The following SV2C variants were observed in gnomAD, a reference collection of about 807,000 sequenced individuals.
SV2C encodes solute carrier family 22 member B3.
Under a neutral mutation model 79.7 loss-of-function variants are expected in SV2C, and 49 were observed. That is an observed-to-expected ratio of 0.61 (90% confidence interval 0.49 to 0.78). The LOEUF (loss-of-function observed/expected upper bound fraction) is 0.78, where lower values mean the gene tolerates loss of function less well. Ranked by LOEUF, SV2C falls within the 30% of genes least tolerant of loss-of-function variation. The probability of loss-of-function intolerance (pLI) is 0.00; values close to 1 mark genes in which losing one functional copy is unlikely to be tolerated. For synonymous variants in SV2C, 334 were observed against 333.2 expected (o/e 1.00, Z -0.03); for missense variants, 833 against 912.9 (o/e 0.91, Z 1.13).
chr5:75,970,198 C>T, the SV2C span, among the ~76,000 whole-genome samples: 2 of 151,914 alleles, frequency 1.3e-5, no homozygotes, highest in Non-Finnish European at 1.5e-5. Context: ...ATGTATAGCA[C>T]TAAATGCCCA....
chr5:75,876,596 G>T, the SV2C span, among the ~76,000 whole-genome samples: 1 of 152,056 alleles, frequency 6.6e-6, no homozygotes, highest in South Asian at 2.1e-4. Flanking sequence ...GAAGTTACTA[G>T]AGATGATAAA....
At chr5:76,233,628 T>G (rs529319371) in intron 4 of SV2C, among the ~76,000 whole-genome samples, 47 of 150,814 alleles carry the variant, frequency 3.1e-4, no homozygotes, top group Admixed American at 1.0e-3. Flanking sequence ...ATACCTAATT[T>G]ATTGAGAGTT....
the SV2C span, among the ~76,000 whole-genome samples, chr5:75,917,359 A>G: frequency 6.6e-6 from 1 of 152,216 alleles, no homozygotes; most frequent in Non-Finnish European, 1.5e-5. Flanking sequence ...GACATGTACA[A>G]GTTAGGTTTA....
downstream of SV2C, among the ~76,000 whole-genome samples, chr5:76,338,066 G>T (rs1029317108): frequency 1.9e-4 from 29 of 152,198 alleles, no homozygotes; most frequent in African/African-American, 6.8e-4. Context: ...TTTGTTCGGT[G>T]GGGAGAGCAA....
At chr5:75,975,383 G>T in the SV2C span, among the ~76,000 whole-genome samples, 3 of 152,070 alleles carry the variant, frequency 2.0e-5, no homozygotes, top group African/African-American at 7.2e-5. Flanking sequence ...CCTGAACTTG[G>T]ATATAAATGA....
the SV2C span, among the ~76,000 whole-genome samples, chr5:75,872,667 A>T: frequency 5.3e-5 from 8 of 151,974 alleles, no homozygotes; most frequent in Non-Finnish European, 1.2e-4. Context: ...CTGTTTTGAA[A>T]GAAAAATGAT....
At chr5:76,087,329 A>G (rs1026069352) in intron 1 of SV2C, among the ~76,000 whole-genome samples, 1 of 152,232 alleles carries the variant, frequency 6.6e-6, no homozygotes, top group Admixed American at 6.5e-5. Flanking sequence ...CTTTTCCCAT[A>G]GATAGTATAT....
At chr5:76,089,241 A>G (rs1747294179) in intron 1 of SV2C, among the ~76,000 whole-genome samples, 1 of 151,970 alleles carries the variant, frequency 6.6e-6, no homozygotes, top group Non-Finnish European at 1.5e-5. Context: ...ATATGTTCTC[A>G]TTGTTCAGCT....
At chr5:75,970,087 A>G in the SV2C span, among the ~76,000 whole-genome samples, 1 of 152,108 alleles carries the variant, frequency 6.6e-6, no homozygotes, top group Non-Finnish European at 1.5e-5. Flanking sequence ...GGTACATAAC[A>G]AAATGAAGGC....
chr5:75,952,268 T>G, the SV2C span, among the ~76,000 whole-genome samples: 1 of 148,170 alleles, frequency 6.7e-6, no homozygotes, highest in Non-Finnish European at 1.5e-5. Flanking sequence ...CCTTCCTTCC[T>G]TCCTTCCTTC....
At chr5:76,317,436 C>A (rs1316578231) in intron 12 of SV2C, among the ~76,000 whole-genome samples, 1 of 151,774 alleles carries the variant, frequency 6.6e-6, no homozygotes, top group Non-Finnish European at 1.5e-5. Context: ...AAGAACCACC[C>A]CCCCCAACAC....
the SV2C span, among the ~76,000 whole-genome samples, chr5:75,905,587 T>G: frequency 1.3e-5 from 2 of 151,830 alleles, no homozygotes; most frequent in African/African-American, 4.8e-5. Context: ...TGAGGCAGAG[T>G]ACAGAAGAGA....
the SV2C span, chr5:75,921,314 T>G: frequency 7.4e-7 from 1 of 1,346,282 alleles, no homozygotes. Flanking sequence ...GAGCTGCAGG[T>G]GCTGGCTGGT....
chr5:75,875,134 G>A, the SV2C span, among the ~76,000 whole-genome samples: 78 of 152,200 alleles, frequency 5.1e-4, no homozygotes, highest in African/African-American at 1.4e-3. Context: ...GCAATCCTAC[G>A]CAAAAAGAAC....
At chr5:76,302,041 T>C (rs1234924511) in intron 12 of SV2C, among the ~76,000 whole-genome samples, 1 of 152,086 alleles carries the variant, frequency 6.6e-6, no homozygotes, top group Non-Finnish European at 1.5e-5. Flanking sequence ...ACATATGTGC[T>C]AGAAGGAATT....
chr5:76,258,690 A>T (rs1484923018), intron 4 of SV2C, among the ~76,000 whole-genome samples: 1 of 152,168 alleles, frequency 6.6e-6, no homozygotes, highest in Non-Finnish European at 1.5e-5. Context: ...GATTGAGGTT[A>T]TTATTTACAT....
chr5:76,295,517 A>T (rs1747722117), intron 8 of SV2C, among the ~76,000 whole-genome samples: 1 of 152,212 alleles, frequency 6.6e-6, no homozygotes, highest in Non-Finnish European at 1.5e-5. Flanking sequence ...TGCTTTCTGC[A>T]TGTCTCTTCC....
At chr5:76,256,822 A>G (rs1458315438) in intron 4 of SV2C, among the ~76,000 whole-genome samples, 1 of 152,222 alleles carries the variant, frequency 6.6e-6, no homozygotes, top group Non-Finnish European at 1.5e-5. Flanking sequence ...AACACTGTCT[A>G]GTTTACATCT....
the SV2C span, among the ~76,000 whole-genome samples, chr5:76,059,779 C>A: frequency 2.6e-5 from 4 of 152,090 alleles, no homozygotes; most frequent in Non-Finnish European, 4.4e-5. Flanking sequence ...ATTCTTTCCA[C>A]AAGATTTTCA....
Sources: allele counts gnomAD v4.1 joint callset (sites outside exome capture counted in the v4.1 genomes callset), GRCh38; gene constraint gnomAD v4.1.1; transcripts MANE v1.5; gene names NCBI Gene and HGNC (gene_info 2026-07-23, HGNC 2026-07-21).